Variants in CACNA1A observed in about 807,000 individuals in gnomAD.
CACNA1A encodes the protein calcium voltage-gated channel subunit alpha1 A, also known as voltage-dependent P/Q-type calcium channel subunit alpha-1A.
CACNA1A carries 57 observed loss-of-function variants against 262.4 expected under a neutral mutation model. That is an observed-to-expected ratio of 0.22 (90% CI 0.18 to 0.27). The LOEUF (loss-of-function observed/expected upper bound fraction) is 0.27, where lower values mean the gene tolerates loss of function less well. Ranked by LOEUF, CACNA1A falls within the 10% of genes least tolerant of loss-of-function variation. The pLI, the probability that CACNA1A is intolerant of heterozygous loss-of-function variation, is 1.00. For synonymous variants in CACNA1A, 1,431 were observed against 1,419.3 expected, an observed-to-expected ratio of 1.01 and a Z score of -0.18; for missense variants, 2,526 against 3,562.8, an observed-to-expected ratio of 0.71 and a Z score of 7.41.
chr19:13,212,298 GGTGT>G lies in CACNA1A; in HGVS notation c.6189+82_6190-83del. On this transcript the variant is annotated intron_variant, in intron 42 of 46. Coordinates refer to ENST00000360228, the MANE Select transcript of CACNA1A (RefSeq NM_001127222.2). This position sits in a 1 kb window ranked among gnomAD's most constrained non-coding sequence, Gnocchi z 5.6. ...GTGTCTGCAGAGGGAGGGAGCTGCA[GGTGT>G]GTGTGTGTGGGGGGCCCAGATCCCT... is the stretch of plus-strand genomic sequence containing the variant. 1 of 1,563,324 alleles carries G rather than the reference GGTGT, an allele frequency of 6.4e-7. No individual in the cohort carries two copies. Among genetic ancestry groups the G allele is most frequent in the Non-Finnish European group, 8.8e-7 (1 of 1,137,424 alleles).
intron 6 of CACNA1A, among the ~76,000 whole-genome samples, chr19:13,350,104 G>A (rs1468082700): frequency 6.6e-6 from 1 of 152,206 alleles, no homozygotes; most frequent in Admixed American, 6.5e-5. Context: ...TGTAGTCCTT[G>A]GGTATGGACA....
At chr19:13,453,102 C>T (rs567454076) in intron 2 of CACNA1A, 87 bp from the exon 3 acceptor site, 1 of 1,366,006 alleles carries the variant, frequency 7.3e-7, no homozygotes, top group East Asian at 2.3e-5. Flanking sequence ...AAATCAGTAC[C>T]TATCACCCTC....
At chr19:13,417,772 C>T (rs2060248518) in intron 3 of CACNA1A, among the ~76,000 whole-genome samples, 1 of 151,812 alleles carries the variant, frequency 6.6e-6, no homozygotes, top group African/African-American at 2.4e-5. Flanking sequence ...TGCCTATAAT[C>T]CCAGATATTT....
Position 13,235,056 on chromosome 19 carries a change from C to T in CACNA1A, c.5134-20G>A, listed in dbSNP as rs756590078. On this transcript the variant is annotated intron_variant, in intron 33 of 46. Transcript: ENST00000360228. ...AAACACCTGTGGAATTGGAGGGTGACGACCAGGGGCTGCCATTCCTCCAGT... is the reference window on the plus strand; with the variant it reads ...AAACACCTGTGGAATTGGAGGGTGATGACCAGGGGCTGCCATTCCTCCAGT... 1.5e-5 allele frequency: 23 copies of T among 1,580,966 alleles called. No individual in the cohort carries two copies. In the African/African-American group the frequency reaches 1.6e-4, roughly 11 times the overall value.
chr19:13,349,380 G>T (rs980761332), intron 6 of CACNA1A, among the ~76,000 whole-genome samples: 7 of 152,150 alleles, frequency 4.6e-5, no homozygotes, highest in African/African-American at 1.7e-4. Context: ...GGTAGGTCCT[G>T]TACCCCATGA....
chr19:13,455,169 T>A lies in CACNA1A; in HGVS notation c.337A>T (p.Ile113Phe). Residue 113 changes from isoleucine to phenylalanine, a missense_variant, in exon 2 of 47, where the codon ATC becomes TTC. This residue lies in a region of CACNA1A where 77 missense variants were observed against 228.4 expected (regional missense o/e 0.34). Transcript: ENST00000360228. ...MILATIIANC[I>F]VLALEQHLPD... ...AGATGCTGCTCCAGTGCGAGGACGA[T>A]GCAATTCGCTATGATGGTGGCTAAA... 6.2e-7 allele frequency: 1 copy of A among 1,612,668 alleles called. No individual in the cohort carries two copies. Among genetic ancestry groups the A allele is most frequent in the Non-Finnish European group, 8.5e-7 (1 of 1,178,772 alleles).
intron 29 of CACNA1A, among the ~76,000 whole-genome samples, chr19:13,254,357 CTTTTTCTTTTCTTTT>C (rs957025586): frequency 1.3e-5 from 2 of 151,390 alleles, no homozygotes; most frequent in African/African-American, 4.9e-5. Flanking sequence ...TCATTTCTTT[CTTTTTCTTTTCTTTT>C]TTTTTTTGAG....
chr19:13,298,618 G>T lies in CACNA1A; in HGVS notation c.3015C>A (p.His1005Gln). 1 of 1,535,270 alleles carries T rather than the reference G, an allele frequency of 6.5e-7. No homozygotes were observed. The highest frequency in any genetic ancestry group is 1.2e-5 in the South Asian group (1 of 83,346). ...CGTACGTGGCTGGAGCGCCATGCCG[G>T]TGCCTTCTCCTGCGCTCGCCCCCGT... ...GPDGGERRRR[H>Q]RHGAPATYEG... is the part of the protein sequence containing the mutation. Residue 1005 changes from histidine (H) to glutamine (Q), a missense_variant, in exon 19 of 47, where the codon CAC becomes CAA. His to Gln is a conservative substitution (Grantham distance 24, BLOSUM62 0). This residue lies in a region of CACNA1A where 765 missense variants were observed against 748.6 expected (regional missense o/e 1.02). Transcript: ENST00000360228.
chr19:13,287,948 C>T (rs1264857436), intron 19 of CACNA1A, among the ~76,000 whole-genome samples: 2 of 152,054 alleles, frequency 1.3e-5, no homozygotes, highest in East Asian at 3.9e-4. Flanking sequence ...GCTACAGGCT[C>T]ACGCCACCAT....
At chr19:13,337,400 G>A (rs1053888036) in intron 6 of CACNA1A, among the ~76,000 whole-genome samples, 4 of 152,182 alleles carry the variant, frequency 2.6e-5, no homozygotes, top group South Asian at 2.1e-4. Flanking sequence ...GTTTAAACAT[G>A]GCATTCTTCC....
chr19:13,233,109 C>A (rs2055732835), intron 34 of CACNA1A, among the ~76,000 whole-genome samples: 2 of 151,922 alleles, frequency 1.3e-5, no homozygotes, highest in South Asian at 4.2e-4. Context: ...ATACTATATT[C>A]TCCCTAGATC....
intron 12 of CACNA1A, among the ~76,000 whole-genome samples, chr19:13,311,863 A>AAAAACAAAAAAT (rs537883934): frequency 5.9e-5 from 9 of 151,618 alleles, no homozygotes; most frequent in East Asian, 3.9e-4. Context: ...AACAAAAAAT[A>AAAAACAAAAAAT]AAAAAAAATA....
intron 3 of CACNA1A, among the ~76,000 whole-genome samples, chr19:13,389,743 G>A (rs1224419575): frequency 6.6e-6 from 1 of 152,050 alleles, no homozygotes; most frequent in Non-Finnish European, 1.5e-5. Flanking sequence ...GGGTTGCTGT[G>A]TTATTCTGGT....
chr19:13,394,052 A>ATT (rs1211820032), intron 3 of CACNA1A, among the ~76,000 whole-genome samples: 5 of 152,270 alleles, frequency 3.3e-5, no homozygotes, highest in African/African-American at 9.6e-5. Context: ...TATGTATGTT[A>ATT]TATTCAATAA....
chr19:13,233,395 T>C (rs2055742212), intron 34 of CACNA1A, among the ~76,000 whole-genome samples: 1 of 152,262 alleles, frequency 6.6e-6, no homozygotes, highest in Non-Finnish European at 1.5e-5. Context: ...TTAACCATTT[T>C]GAAGTGTACA....
chr19:13,407,532 T>A (rs937331553), intron 3 of CACNA1A, among the ~76,000 whole-genome samples: 10 of 152,204 alleles, frequency 6.6e-5, no homozygotes, highest in African/African-American at 2.4e-4. Flanking sequence ...AGACACCCTA[T>A]AAGTACTAGC....
At chr19:13,473,086 C>T (rs1455077713) in intron 1 of CACNA1A, among the ~76,000 whole-genome samples, 1 of 152,070 alleles carries the variant, frequency 6.6e-6, no homozygotes, top group Non-Finnish European at 1.5e-5. Flanking sequence ...GATCCCATCT[C>T]TATCAAAAAT....
At chr19:13,442,833 G>C (rs1030900612) in intron 3 of CACNA1A, among the ~76,000 whole-genome samples, 1 of 152,176 alleles carries the variant, frequency 6.6e-6, no homozygotes, top group Non-Finnish European at 1.5e-5. Context: ...GGGAAGGAAG[G>C]ATCACCCTGA....
chr19:13,376,175 A>G (rs750646788), intron 3 of CACNA1A, among the ~76,000 whole-genome samples: 1 of 152,236 alleles, frequency 6.6e-6, no homozygotes, highest in Non-Finnish European at 1.5e-5. Flanking sequence ...GTTATCCAGA[A>G]GATCTAGCTG....
Sources: allele counts gnomAD v4.1 joint callset (sites outside exome capture counted in the v4.1 genomes callset), GRCh38; gene constraint gnomAD v4.1.1; regional missense constraint gnomAD v4.1.1; non-coding constraint Gnocchi (gnomAD v3.1); transcripts MANE v1.5; gene names NCBI Gene and HGNC (gene_info 2026-07-23, HGNC 2026-07-21).